Variants in L3MBTL4 observed in about 807,000 individuals in gnomAD.
L3MBTL4 encodes the protein L3MBTL histone methyl-lysine binding protein 4, also known as lethal(3)malignant brain tumor-like protein 4.
Under a neutral mutation model 84.5 loss-of-function variants are expected in L3MBTL4, and 70 were observed. The ratio of observed to expected loss-of-function variants is 0.83; its 90% CI spans 0.68 to 1.01. L3MBTL4 has a LOEUF of 1.01. L3MBTL4 is among the 50% of genes least tolerant of loss of function. The probability of loss-of-function intolerance (pLI) is 0.00; values close to 1 mark genes in which losing one functional copy is unlikely to be tolerated. For missense variants in L3MBTL4, 715 were observed against 754.8 expected, an observed-to-expected ratio of 0.95 and a Z score of 0.62; for synonymous variants, 274 against 259.8, an observed-to-expected ratio of 1.05 and a Z score of -0.52.
At chr18:6,357,042 A>G (rs1383605492) in intron 1 of L3MBTL4, among the ~76,000 whole-genome samples, 1 of 152,152 alleles carries the variant, frequency 6.6e-6, no homozygotes, top group Non-Finnish European at 1.5e-5. Context: ...TATGGGTGTC[A>G]TATATGCAGT....
intron 12 of L3MBTL4, among the ~76,000 whole-genome samples, chr18:6,189,107 G>T (rs2044933436): frequency 6.6e-6 from 1 of 152,152 alleles, no homozygotes; most frequent in Admixed American, 6.5e-5. Context: ...GCCTTTTCCA[G>T]TACCCTGTGG....
chr18:6,249,833 A>T (rs2047846047), intron 5 of L3MBTL4, among the ~76,000 whole-genome samples: 1 of 152,258 alleles, frequency 6.6e-6, no homozygotes. Flanking sequence ...AGTCATAAAA[A>T]ATTATAAGGT....
At chr18:6,098,413 T>C (rs2058710806) in intron 14 of L3MBTL4, among the ~76,000 whole-genome samples, 2 of 152,170 alleles carry the variant, frequency 1.3e-5, no homozygotes, top group Admixed American at 6.5e-5. Flanking sequence ...GGTCATTTTT[T>C]CTCTGTGACG....
chr18:6,376,691 T>C (rs2054384407), intron 1 of L3MBTL4, among the ~76,000 whole-genome samples: 1 of 152,148 alleles, frequency 6.6e-6, no homozygotes, highest in African/African-American at 2.4e-5. Flanking sequence ...TGAGCCTTGA[T>C]GGCATCACTG....
chr18:6,077,663 G>C (rs2057904607), intron 16 of L3MBTL4, among the ~76,000 whole-genome samples: 1 of 151,198 alleles, frequency 6.6e-6, no homozygotes, highest in Non-Finnish European at 1.5e-5. Context: ...CAAAAATCCA[G>C]TGTATATAAC....
chr18:6,171,409 A>C (rs2043964638), intron 13 of L3MBTL4, among the ~76,000 whole-genome samples: 1 of 152,256 alleles, frequency 6.6e-6, no homozygotes, highest in Admixed American at 6.5e-5. Context: ...TTTTATAAGT[A>C]AAATCTGAAA....
intron 7 of L3MBTL4, among the ~76,000 whole-genome samples, chr18:6,241,776 C>T (rs1156342360): frequency 6.6e-6 from 1 of 152,182 alleles, no homozygotes; most frequent in African/African-American, 2.4e-5. Context: ...GGAGTCAGTA[C>T]TCTGGTGGCC....
chr18:6,030,231 C>T (rs1172227141), intron 16 of L3MBTL4: 8 of 924,254 alleles, frequency 8.7e-6, no homozygotes, highest in Non-Finnish European at 1.0e-5. Flanking sequence ...AAACTGAAGG[C>T]TGAGGATCAG....
chr18:6,406,168 T>G (rs929973259), intron 1 of L3MBTL4, among the ~76,000 whole-genome samples: 1 of 152,192 alleles, frequency 6.6e-6, no homozygotes, highest in Non-Finnish European at 1.5e-5. Context: ...ATAGAAAACC[T>G]CGTGGACTGG....
chr18:6,050,889 A>G (rs972068791), intron 16 of L3MBTL4, among the ~76,000 whole-genome samples: 1 of 152,122 alleles, frequency 6.6e-6, no homozygotes, highest in Non-Finnish European at 1.5e-5. Context: ...CATATTGAAG[A>G]ATTCTGGACA....
In L3MBTL4 at chr18:5,974,644, G is replaced by T. The variant is rs116401255; in HGVS notation, c.1445-5082C>A. Among the ~76,000 whole-genome samples the T allele has an allele frequency of 5.6e-3, 854 of 152,206 alleles. 8 individuals carry two copies. Among genetic ancestry groups the T allele is most frequent in the African/African-American group, 0.02 (816 of 41,518 alleles). ...GACTTGCGACACGAGGCAGAGCACCGTCTGCTTCCCATTCCACAGATTAAA... is the reference window on the plus strand; with the variant it reads ...GACTTGCGACACGAGGCAGAGCACCTTCTGCTTCCCATTCCACAGATTAAA... On this transcript the variant is annotated intron_variant, in intron 16 of 18. Coordinates refer to ENST00000317931, the MANE Select transcript of L3MBTL4 (RefSeq NM_001330559.2).
intron 12 of L3MBTL4, among the ~76,000 whole-genome samples, chr18:6,195,785 G>T (rs2045349202): frequency 6.6e-6 from 1 of 152,096 alleles, no homozygotes; most frequent in Non-Finnish European, 1.5e-5. Flanking sequence ...TGGCCTTATT[G>T]GTTGCCCCAT....
At chr18:6,293,156 T>C (rs1374159932) in intron 4 of L3MBTL4, among the ~76,000 whole-genome samples, 1 of 152,148 alleles carries the variant, frequency 6.6e-6, no homozygotes, top group Non-Finnish European at 1.5e-5. Context: ...AACTTCAACA[T>C]ATAGACATCT....
chr18:6,246,380 C>T (rs564751056), intron 5 of L3MBTL4, among the ~76,000 whole-genome samples: 1 of 152,282 alleles, frequency 6.6e-6, no homozygotes, highest in East Asian at 1.9e-4. Context: ...CAGCAGACTT[C>T]CTAATTTGCT....
At chr18:6,132,865 G>A (rs1288593219) in intron 14 of L3MBTL4, among the ~76,000 whole-genome samples, 1 of 152,024 alleles carries the variant, frequency 6.6e-6, no homozygotes, top group East Asian at 1.9e-4. Context: ...AAACACACAC[G>A]CCCAGCGCAG....
chr18:6,038,607 C>T lies in L3MBTL4; in HGVS notation c.1444+42274G>A, dbSNP rs74878236. On this transcript the variant is annotated intron_variant, in intron 16 of 18. Transcript: ENST00000317931. ...ACTTGGTGATCCTAGTAAAAGACAG[C>T]AACATTGATGGGGGAGAGCGGCACT... is the stretch of plus-strand genomic sequence containing the variant. Among the ~76,000 whole-genome samples the T allele has an allele frequency of 7.0e-3, 1,066 of 152,118 alleles. 9 individuals are homozygous for T. The highest frequency in any genetic ancestry group is 0.024 in the African/African-American group (1,006 of 41,482).
Position 5,956,058 on chromosome 18 carries a change from T to A in L3MBTL4, c.*162A>T. ...CTCTGAGTCATTGGCACTGGACCAG[T>A]CATCAAAATCCTCTAAACATGTAAA... On this transcript the variant is annotated 3_prime_UTR_variant, in exon 19 of 19. Coordinates refer to ENST00000317931, the MANE Select transcript of L3MBTL4 (RefSeq NM_001330559.2). 1.5e-6 allele frequency: 1 copy of A among 659,052 alleles called. No individual in the cohort carries two copies. The highest frequency in any genetic ancestry group is 2.6e-6 in the Non-Finnish European group (1 of 385,300). 40.8% of individuals were successfully genotyped at this position (659,052 alleles called of 1,614,324 possible). A position where few individuals can be genotyped will look rare whatever the true frequency, so the allele number is the denominator to read the frequency against.
intron 1 of L3MBTL4, among the ~76,000 whole-genome samples, chr18:6,336,164 A>G (rs1486901987): frequency 7.2e-5 from 11 of 152,200 alleles, no homozygotes; most frequent in Non-Finnish European, 1.6e-4. Flanking sequence ...GAATGACAAA[A>G]GAGACTACAT....
At chr18:5,958,080 A>G (rs1358480312) in intron 18 of L3MBTL4, among the ~76,000 whole-genome samples, 3 of 51,154 alleles carry the variant, frequency 5.9e-5, no homozygotes, top group East Asian at 4.7e-3. Flanking sequence ...GAAGAAGAAG[A>G]AGAAGAAGAA....
Sources: allele counts gnomAD v4.1 joint callset (sites outside exome capture counted in the v4.1 genomes callset), GRCh38; gene constraint gnomAD v4.1.1; transcripts MANE v1.5; gene names NCBI Gene and HGNC (gene_info 2026-07-23, HGNC 2026-07-21).